SNX13: variants seen among roughly 807,000 people sequenced by gnomAD.
SNX13 encodes sorting nexin 13.
SNX13 carries 45 observed loss-of-function variants against 133.6 expected under a neutral mutation model. That is an observed-to-expected ratio of 0.34 (90% CI 0.27 to 0.43). The LOEUF (loss-of-function observed/expected upper bound fraction) is 0.43. Ranked by LOEUF, SNX13 falls within the 20% of genes least tolerant of loss-of-function variation. The pLI, the probability that SNX13 is intolerant of heterozygous loss-of-function variation, is 1.00. For missense variants in SNX13, 1,032 were observed against 1,145.1 expected, an observed-to-expected ratio of 0.90 and a Z score of 1.43; for synonymous variants, 414 against 373.9, an observed-to-expected ratio of 1.11 and a Z score of -1.24.
At chr7:17,850,800 T>C in intron 10 of SNX13, 26 bp downstream of exon 10, 1 of 1,483,048 alleles carries the variant, frequency 6.7e-7, no homozygotes, top group African/African-American at 1.4e-5. Context: ...CAAAAAAATA[T>C]ATCTTAAATT....
At chr7:17,829,893 CAATACTA>C in intron 16 of SNX13, 110 bp downstream of exon 16, 1 of 618,704 alleles carries the variant, frequency 1.6e-6, no homozygotes, top group East Asian at 3.2e-5. Context: ...TAACTTTTTA[CAATACTA>C]AAGGATGATT....
chr7:17,922,043 A>T (rs1800181148), intron 1 of SNX13, among the ~76,000 whole-genome samples: 1 of 152,168 alleles, frequency 6.6e-6, no homozygotes, highest in African/African-American at 2.4e-5. Context: ...CCACTTCTGT[A>T]CTCACTTTCC....
At chr7:17,865,330 C>G (rs1793250579) in intron 9 of SNX13, among the ~76,000 whole-genome samples, 1 of 152,044 alleles carries the variant, frequency 6.6e-6, no homozygotes, top group African/African-American at 2.4e-5. Flanking sequence ...ATACAAAAAT[C>G]AATAGTGTTT....
intron 5 of SNX13, chr7:17,888,588 A>G (rs1295583844): frequency 2.3e-6 from 1 of 431,080 alleles, no homozygotes; most frequent in Non-Finnish European, 4.7e-6. Context: ...CCTCATCAGT[A>G]AAATTATGGG....
intron 15 of SNX13, 33 bp downstream of exon 15, chr7:17,834,019 T>C (rs573129148): frequency 2.8e-6 from 4 of 1,409,282 alleles, no homozygotes; most frequent in African/African-American, 1.4e-5. Flanking sequence ...TAAATATATA[T>C]GCATATTATG....
At chr7:17,895,108 CTG>C (rs1562485149) in intron 2 of SNX13, among the ~76,000 whole-genome samples, 2 of 152,068 alleles carry the variant, frequency 1.3e-5, no homozygotes, top group Admixed American at 6.5e-5. Flanking sequence ...TATATTAACA[CTG>C]TGTTATTAAA....
chr7:17,839,974 C>T lies in SNX13; in HGVS notation c.1192G>A (p.Ala398Thr). 1 of 1,609,364 alleles carries T rather than the reference C, an allele frequency of 6.2e-7. No homozygotes were observed. The highest frequency in any genetic ancestry group is 8.5e-7 in the Non-Finnish European group (1 of 1,177,426). Residue 398 changes from alanine (A) to threonine (T), a missense_variant, in exon 13 of 26, where the codon GCA (alanine) becomes ACA (threonine). Coordinates refer to ENST00000428135, the MANE Select transcript of SNX13 (RefSeq NM_015132.5). ...MDYMQQTGGQ[A>T]HLFFWMTVEG... is the part of the protein sequence containing the mutation. ...ACTGTCATCCAAAAGAATAGATGTG[C>T]TTGACCTCCAGTTTGCTGCATGTAA... is the stretch of plus-strand genomic sequence containing the variant.
chr7:17,907,813 T>C (rs573513749), intron 1 of SNX13, among the ~76,000 whole-genome samples: 102 of 152,278 alleles, frequency 6.7e-4, no homozygotes, highest in African/African-American at 2.3e-3. Flanking sequence ...ATGCCCTTGA[T>C]TACCTTTAAG....
chr7:17,909,137 T>A (rs1205221490), intron 1 of SNX13, among the ~76,000 whole-genome samples: 1 of 151,544 alleles, frequency 6.6e-6, no homozygotes, highest in South Asian at 2.1e-4. Context: ...CAAAAAAAAA[T>A]TAAAAAAAAC....
intron 9 of SNX13, among the ~76,000 whole-genome samples, chr7:17,867,860 T>C (rs908731498): frequency 6.6e-6 from 1 of 151,986 alleles, no homozygotes; most frequent in Non-Finnish European, 1.5e-5. Context: ...AGGAAAAGGA[T>C]ACATTATAAA....
intron 1 of SNX13, among the ~76,000 whole-genome samples, chr7:17,922,260 G>A (rs959166234): frequency 3.0e-4 from 46 of 152,228 alleles, no homozygotes; most frequent in African/African-American, 1.1e-3. Context: ...CAACAGGGCA[G>A]TGGAAGAGGA....
chr7:17,890,810 C>T (rs1411822736), intron 4 of SNX13, among the ~76,000 whole-genome samples: 1 of 151,486 alleles, frequency 6.6e-6, no homozygotes, highest in Non-Finnish European at 1.5e-5. Flanking sequence ...ATGCTATAAT[C>T]TAATAAATAA....
At chr7:17,875,038 C>T (rs929685455) in intron 7 of SNX13, among the ~76,000 whole-genome samples, 2 of 152,160 alleles carry the variant, frequency 1.3e-5, no homozygotes, top group African/African-American at 4.8e-5. Flanking sequence ...CAGGGTCTCA[C>T]TCTCGTCACT....
rs528880141 is a variant in SNX13, at chr7:17,892,424, C to A, written c.229-789G>T. On this transcript the variant is annotated intron_variant, in intron 3 of 25. Transcript: ENST00000428135. ...AAATATTTCCTATTCTCTGTATATG[C>A]CACTCAAATGAAGTACACTATAAAT... 7.4e-4 allele frequency among the ~76,000 whole-genome samples: 111 copies of A among 151,018 alleles called. 2 individuals are homozygous for A. In the Middle Eastern group the frequency reaches 0.028, roughly 38 times the overall value.
chr7:17,882,321 A>G (rs576899769), intron 5 of SNX13: 1 of 152,308 alleles, frequency 6.6e-6, no homozygotes, highest in East Asian at 1.9e-4. Context: ...GAAAACTTAA[A>G]AAAAATCAAA....
chr7:17,888,914 T>C, intron 5 of SNX13: 2 of 272,122 alleles, frequency 7.3e-6, no homozygotes, highest in Non-Finnish European at 1.5e-5. Context: ...GAATGCAAAC[T>C]CAAGTTTTCA....
At chr7:17,836,411 G>C (rs1789148063) in intron 13 of SNX13, among the ~76,000 whole-genome samples, 1 of 151,972 alleles carries the variant, frequency 6.6e-6, no homozygotes, top group Admixed American at 6.6e-5. Context: ...CACCTACTCG[G>C]GAGTCTGAGT....
intron 20 of SNX13, among the ~76,000 whole-genome samples, chr7:17,811,905 T>TCC (rs1786082178): frequency 6.6e-6 from 1 of 151,328 alleles, no homozygotes; most frequent in African/African-American, 2.4e-5. Flanking sequence ...GAAAGGATTT[T>TCC]CTATTTAATA....
chr7:17,870,429 C>A (rs1220643351), intron 8 of SNX13, among the ~76,000 whole-genome samples: 1 of 152,170 alleles, frequency 6.6e-6, no homozygotes, highest in Non-Finnish European at 1.5e-5. Flanking sequence ...AACTGACTTG[C>A]TGAATGCATG....
Sources: gnomAD v4.1 joint callset for allele counts (sites outside exome capture counted in the v4.1 genomes callset) on GRCh38, gnomAD v4.1.1 for gene constraint, MANE v1.5 for transcripts, NCBI Gene and HGNC (gene_info 2026-07-23, HGNC 2026-07-21) for gene names.